The following SLC39A8 variants were observed in gnomAD, a reference collection of about 807,000 sequenced individuals.
The protein encoded by SLC39A8 is solute carrier family 39 member 8.
SLC39A8 carries 15 observed loss-of-function variants against 40.4 expected under a neutral mutation model. That is an observed-to-expected ratio of 0.37 (90% CI 0.25 to 0.57). The LOEUF (loss-of-function observed/expected upper bound fraction) is 0.57, where lower values mean the gene tolerates loss of function less well. SLC39A8 is among the 20% of genes least tolerant of loss of function. SLC39A8 has a pLI of 0.75. For missense variants in SLC39A8, 472 were observed against 558.8 expected, an observed-to-expected ratio of 0.84 and a Z score of 1.57; for synonymous variants, 223 against 221.6, an observed-to-expected ratio of 1.01 and a Z score of -0.06.
In SLC39A8 at chr4:102,344,605, C is replaced by G; in HGVS notation, c.58G>C (p.Gly20Arg). The G allele has an allele frequency of 6.5e-7, 1 of 1,541,348 alleles. No individual in the cohort carries two copies. The highest frequency in any genetic ancestry group is 8.7e-7 in the Non-Finnish European group (1 of 1,143,838). The change falls in exon 2 of 9, where the codon GGA (glycine) becomes CGA (arginine). Residue 20 changes from glycine (G) to arginine (R), a missense_variant. Physicochemically the swap from Gly to Arg is moderately radical, Grantham distance 125. Transcript: ENST00000356736. ...LLLLAAAGLG[G>R]VAEGPGLAFS... is the part of the protein sequence containing the mutation. The stretch of plus-strand genomic sequence containing the variant: ...GCTAGCCCTGGCCCCTCCGCCACTC[C>G]TCCGAGGCCGGCGGCCGCCAGCAAC...
At chr4:102,316,999 C>G (rs539313650) in intron 2 of SLC39A8, among the ~76,000 whole-genome samples, 4 of 152,128 alleles carry the variant, frequency 2.6e-5, no homozygotes, top group Non-Finnish European at 1.5e-5. Flanking sequence ...CAGACAGCAA[C>G]CATTCTGGCA....
At position 102,344,879 on chromosome 4, in the gene SLC39A8, C is replaced by T. The variant is rs1013121237; in HGVS notation, c.-217G>A. The T allele has an allele frequency of 1.8e-5, 23 of 1,301,090 alleles. No homozygotes were observed. The African/African-American group carries it at 3.1e-4, about 18-fold the overall frequency. 80.6% of individuals were successfully genotyped at this position (1,301,090 alleles called of 1,614,324 possible). On this transcript the variant is annotated 5_prime_UTR_variant, in exon 2 of 9. Coordinates refer to ENST00000356736, the MANE Select transcript of SLC39A8 (RefSeq NM_001135146.2). Reference sequence around the variant, plus strand: ...GAAGTGGCAGCGTAGCCGAGGGGAGCGATAGGCGGAGTGGGCCCCCCGGCC... The same window carrying T: ...GAAGTGGCAGCGTAGCCGAGGGGAGTGATAGGCGGAGTGGGCCCCCCGGCC...
intron 6 of SLC39A8, among the ~76,000 whole-genome samples, chr4:102,270,600 T>A (rs1287991045): frequency 6.6e-6 from 1 of 152,232 alleles, no homozygotes; most frequent in Non-Finnish European, 1.5e-5. Context: ...TTACTCTAAA[T>A]ATGAGGCTAT....
At chr4:102,276,101 C>T (rs915198055) in intron 6 of SLC39A8, among the ~76,000 whole-genome samples, 1 of 152,086 alleles carries the variant, frequency 6.6e-6, no homozygotes, top group African/African-American at 2.4e-5. Context: ...CAAACAAATT[C>T]AAAAGCCAGC....
intron 6 of SLC39A8, among the ~76,000 whole-genome samples, chr4:102,284,827 G>T (rs1733084454): frequency 1.4e-5 from 1 of 69,242 alleles, no homozygotes; most frequent in Admixed American, 1.2e-4. Context: ...GTGTTTGTTT[G>T]CAACCCAGGA....
chr4:102,281,709 C>T (rs1732883662), intron 6 of SLC39A8, among the ~76,000 whole-genome samples: 1 of 151,962 alleles, frequency 6.6e-6, no homozygotes, highest in Non-Finnish European at 1.5e-5. Flanking sequence ...GCAACTGGCA[C>T]CCTGGTTTAT....
intron 6 of SLC39A8, among the ~76,000 whole-genome samples, chr4:102,296,239 G>A (rs1209667929): frequency 6.6e-6 from 1 of 151,982 alleles, no homozygotes; most frequent in Non-Finnish European, 1.5e-5. Context: ...ATGGAATTCT[G>A]TATATTTTAC....
intron 2 of SLC39A8, among the ~76,000 whole-genome samples, chr4:102,320,409 A>AAT (rs1242991322): frequency 9.3e-6 from 1 of 107,638 alleles, no homozygotes; most frequent in African/African-American, 3.6e-5. Flanking sequence ...TATATATGAG[A>AAT]ATATATATAT....
chr4:102,287,964 C>G (rs1437006039), intron 6 of SLC39A8, among the ~76,000 whole-genome samples: 2 of 152,104 alleles, frequency 1.3e-5, no homozygotes, highest in African/African-American at 4.8e-5. Context: ...TTGCACGTGA[C>G]AGGTACCACC....
chr4:102,328,276 A>G (rs950020497), intron 2 of SLC39A8, among the ~76,000 whole-genome samples: 4 of 151,432 alleles, frequency 2.6e-5, no homozygotes, highest in African/African-American at 9.7e-5. Flanking sequence ...ATTATTCTAT[A>G]CAAGGTCACT....
intron 2 of SLC39A8, among the ~76,000 whole-genome samples, chr4:102,335,133 C>G (rs929413905): frequency 6.6e-6 from 1 of 152,276 alleles, no homozygotes; most frequent in Non-Finnish European, 1.5e-5. Context: ...AATATACTTA[C>G]GTTCTGGGGA....
chr4:102,305,178 C>G (rs1734116510), intron 4 of SLC39A8, 67 bp from the exon 5 acceptor site: 1 of 1,483,066 alleles, frequency 6.7e-7, no homozygotes, highest in Non-Finnish European at 9.3e-7. Flanking sequence ...GAAAATAATA[C>G]CAGTATGCAA....
intron 7 of SLC39A8, 25 bp from the exon 8 acceptor site, chr4:102,267,699 A>T: frequency 6.4e-7 from 1 of 1,561,782 alleles, no homozygotes; most frequent in Non-Finnish European, 8.6e-7. Flanking sequence ...AGAAAATATC[A>T]AGTGAATAGT....
At chr4:102,258,668 A>G (rs1293790875), downstream of SLC39A8, among the ~76,000 whole-genome samples, 1 of 152,308 alleles carries the variant, frequency 6.6e-6, no homozygotes, top group Middle Eastern at 3.4e-3. Context: ...AGGGGATAAA[A>G]AAGTTCATAC....
At chr4:102,277,630 A>C (rs556113528) in intron 6 of SLC39A8, among the ~76,000 whole-genome samples, 32 of 152,318 alleles carry the variant, frequency 2.1e-4, no homozygotes, top group African/African-American at 7.5e-4. Flanking sequence ...ATTAGAAAAA[A>C]ACTACTTTAA....
intron 5 of SLC39A8, 134 bp from the exon 6 acceptor site, chr4:102,304,615 T>C (rs1734070062): frequency 4.4e-6 from 3 of 675,968 alleles, no homozygotes; most frequent in Non-Finnish European, 7.0e-6. Context: ...GAAGTATTTT[T>C]AGATATATAA....
intron 1 of SLC39A8, 79 bp from the exon 2 acceptor site, chr4:102,344,994 G>T: frequency 1.1e-6 from 1 of 951,374 alleles, no homozygotes; most frequent in Non-Finnish European, 1.3e-6. Flanking sequence ...ACGCTGCGTG[G>T]CAGTAGCCCT....
intron 2 of SLC39A8, among the ~76,000 whole-genome samples, chr4:102,321,929 G>C (rs1043465165): frequency 2.0e-5 from 3 of 152,220 alleles, no homozygotes; most frequent in Admixed American, 6.5e-5. Context: ...GCACGAAAAA[G>C]AGCCAGTATA....
Position 102,315,697 on chromosome 4 carries a change from T to C in SLC39A8, c.353A>G (p.Lys118Arg). Reference sequence around the variant, plus strand: ...TGAATGACTTGGTCTTGTTTTGTGCTTGGGCCGATCCTCACATGGGTGAAA... The same window carrying C: ...TGAATGACTTGGTCTTGTTTTGTGCCTGGGCCGATCCTCACATGGGTGAAA... The part of the protein sequence containing the change: ...LNFHPCEDRP[K>R]HKTRPSHSEV... The change falls in exon 3 of 9, where the codon AAG (lysine) becomes AGG (arginine). Residue 118 changes from lysine to arginine, a missense_variant. Physicochemically the swap from Lys to Arg is conservative, Grantham distance 26. Transcript: ENST00000356736. 6.2e-7 allele frequency: 1 copy of C among 1,612,700 alleles called. No individual in the cohort carries two copies. Among genetic ancestry groups the C allele is most frequent in the Non-Finnish European group, 8.5e-7 (1 of 1,179,246 alleles).
Sources: allele counts gnomAD v4.1 joint callset (sites outside exome capture counted in the v4.1 genomes callset), GRCh38; gene constraint gnomAD v4.1.1; transcripts MANE v1.5; gene names NCBI Gene and HGNC (gene_info 2026-07-23, HGNC 2026-07-21).